BANP: variants seen among roughly 807,000 people sequenced by gnomAD.
BANP encodes the protein protein BANP.
A neutral mutation model predicts 68.1 loss-of-function variants in BANP; 11 were observed. The ratio of observed to expected loss-of-function variants is 0.16; its 90% CI spans 0.10 to 0.27. The LOEUF (loss-of-function observed/expected upper bound fraction) is 0.27. BANP is among the 10% of genes least tolerant of loss of function. The probability of loss-of-function intolerance (pLI) is 1.00; values close to 1 mark genes in which losing one functional copy is unlikely to be tolerated. For synonymous variants in BANP, 329 were observed against 303.2 expected, an observed-to-expected ratio of 1.09 and a Z score of -0.88; for missense variants, 504 against 722.7, an observed-to-expected ratio of 0.70 and a Z score of 3.47.
At chr16:88,070,163 C>G (rs552712864) in intron 12 of BANP, among the ~76,000 whole-genome samples, 2 of 152,180 alleles carry the variant, frequency 1.3e-5, no homozygotes, top group East Asian at 3.9e-4. Flanking sequence ...AAAATACCTG[C>G]TCATTGACCA....
In BANP at chr16:88,061,226, G is replaced by A. The variant is rs1165566709; in HGVS notation, c.1312-4041G>A. ...ACAAGGCACCTTTGTGTGAATGTGGGGTCTCCCGGGGCATCTTGCCATCGC... is the reference window on the plus strand; with the variant it reads ...ACAAGGCACCTTTGTGTGAATGTGGAGTCTCCCGGGGCATCTTGCCATCGC... On this transcript the variant is annotated intron_variant, in intron 11 of 13. Coordinates refer to ENST00000682872, the MANE Select transcript of BANP (RefSeq NM_001386991.1). 4.6e-5 allele frequency among the ~76,000 whole-genome samples: 7 copies of A among 151,962 alleles called. No individual in the cohort carries two copies. The East Asian group carries it at 1.2e-3, about 25-fold the overall frequency.
At chr16:88,006,053 T>TAG in intron 5 of BANP, 37 bp from the exon 6 acceptor site, 1 of 1,612,924 alleles carries the variant, frequency 6.2e-7, no homozygotes, top group South Asian at 1.1e-5. Flanking sequence ...TTGCGGCTCT[T>TAG]ACCACATCGG....
intron 4 of BANP, among the ~76,000 whole-genome samples, chr16:87,992,777 G>T (rs1329154831): frequency 6.9e-6 from 1 of 144,340 alleles, no homozygotes; most frequent in East Asian, 1.9e-4. Context: ...CTGGGAGACA[G>T]AGTGAGACTC....
chr16:88,069,289 C>G (rs1251758087), intron 12 of BANP, among the ~76,000 whole-genome samples: 1 of 152,252 alleles, frequency 6.6e-6, no homozygotes, highest in Non-Finnish European at 1.5e-5. Context: ...ACATTCAGCT[C>G]ATTGACCTGC....
At chr16:87,999,323 T>G (rs555427454) in intron 4 of BANP, among the ~76,000 whole-genome samples, 1 of 139,756 alleles carries the variant, frequency 7.2e-6, no homozygotes, top group Non-Finnish European at 1.5e-5. Context: ...TCCAGACACG[T>G]CTCCATGCAC....
At chr16:88,066,421 G>A (rs944940983) in intron 12 of BANP, among the ~76,000 whole-genome samples, 4 of 152,188 alleles carry the variant, frequency 2.6e-5, no homozygotes, top group African/African-American at 4.8e-5. Context: ...TGGGTACTGC[G>A]GGCCTGGCCA....
Position 88,003,282 on chromosome 16 carries a change from T to C in BANP, c.363-1013T>C, listed in dbSNP as rs562706727. Among the ~76,000 whole-genome samples the C allele has an allele frequency of 1.4e-4, 21 of 152,368 alleles. No homozygotes were observed. The highest frequency in any genetic ancestry group is 4.6e-4 in the African/African-American group (19 of 41,582). On this transcript the variant is annotated intron_variant, in intron 4 of 13. Coordinates refer to ENST00000682872, the MANE Select transcript of BANP (RefSeq NM_001386991.1). The surrounding 1 kb of genome is among the most constrained non-coding windows in gnomAD (Gnocchi z 6.1). ...GGAGAAAACCTGGTGGTCCTGTGAT[T>C]TACTTGAGCATGGCGTGGTGCTGTG... is the stretch of plus-strand genomic sequence containing the variant.
intron 3 of BANP, 98 bp downstream of exon 3, chr16:87,981,225 C>T: frequency 3.3e-6 from 3 of 912,826 alleles, no homozygotes; most frequent in African/African-American, 1.6e-5. Context: ...AAAATGTAGC[C>T]TCTCAGCTGT....
Position 87,957,939 on chromosome 16 carries a change from G to A in BANP, c.-69+6424G>A, listed in dbSNP as rs1426218854. ...TTGTGTCGGTGGGAGCTGGCGGTGG[G>A]TCCCTGAGCAGAGTGCTGCCGCTGC... On this transcript the variant is annotated intron_variant, in intron 1 of 13. Coordinates refer to ENST00000682872, the MANE Select transcript of BANP (RefSeq NM_001386991.1). The surrounding 1 kb of genome is among the most constrained non-coding windows in gnomAD (Gnocchi z 4.3). 1.3e-5 allele frequency among the ~76,000 whole-genome samples: 2 copies of A among 151,904 alleles called. No homozygotes were observed. Among genetic ancestry groups the A allele is most frequent in the Admixed American group, 6.6e-5 (1 of 15,264 alleles).
intron 4 of BANP, among the ~76,000 whole-genome samples, chr16:88,000,514 G>A (rs1598311474): frequency 4.5e-5 from 1 of 22,244 alleles, no homozygotes; most frequent in Non-Finnish European, 1.1e-4. Context: ...ACGCACGTGC[G>A]CGGCTGTACT....
At position 88,004,503 on chromosome 16, in the gene BANP, G is replaced by C; in HGVS notation, c.479+92G>C. 1 of 718,720 alleles carries C rather than the reference G, an allele frequency of 1.4e-6. No individual in the cohort carries two copies. Among genetic ancestry groups the C allele is most frequent in the Non-Finnish European group, 2.3e-6 (1 of 435,862 alleles). 44.5% of individuals were successfully genotyped at this position (718,720 alleles called of 1,614,324 possible). A position where few individuals can be genotyped will look rare whatever the true frequency, so the allele number is the denominator to read the frequency against. ...CGTCCCTAAGCCAGGGCACAGTCCA[G>C]CACACGCTTCATCTCTGTGGTCACA... On this transcript the variant is annotated intron_variant, in intron 5 of 13. Transcript: ENST00000682872. The surrounding 1 kb of genome is among the most constrained non-coding windows in gnomAD (Gnocchi z 7.0).
rs1325720064 is a variant in BANP at position 88,077,251 on chromosome 16, C to G, written c.*590C>G. The G allele has an allele frequency of 6.6e-6, 1 of 152,404 alleles. No homozygotes were observed. Among genetic ancestry groups the G allele is most frequent in the East Asian group, 1.9e-4 (1 of 5,206 alleles). The allele number at this position is 152,404 out of a possible 1,614,324, so 9.4% of individuals were successfully genotyped here. A position where few individuals can be genotyped will look rare whatever the true frequency, so the allele number is the denominator to read the frequency against. Reference sequence around the variant, plus strand: ...GATGGGGTATTGCTGACCTACTTTTCTAGGGGAAATGCTCTTAAACACTGT... The same window carrying G: ...GATGGGGTATTGCTGACCTACTTTTGTAGGGGAAATGCTCTTAAACACTGT... On this transcript the variant is annotated 3_prime_UTR_variant, in exon 14 of 14. Transcript: ENST00000682872.
rs1227895765 is a variant in BANP, at chr16:88,046,224, G to T, written c.1311+8213G>T. Among the ~76,000 whole-genome samples the T allele has an allele frequency of 2.6e-5, 4 of 152,244 alleles. No homozygotes were observed. In the East Asian group the frequency reaches 5.8e-4, roughly 22 times the overall value. On this transcript the variant is annotated intron_variant, in intron 11 of 13. Coordinates refer to ENST00000682872, the MANE Select transcript of BANP (RefSeq NM_001386991.1). ...GGCCTTTCACTTCTGCCTTTTGCAT[G>T]TGTGAATGTGTGTGTGTGTGTGATT...
At chr16:87,996,272 G>A (rs148120113) in intron 4 of BANP, among the ~76,000 whole-genome samples, 2 of 152,210 alleles carry the variant, frequency 1.3e-5, no homozygotes, top group East Asian at 1.9e-4. Context: ...CCCACCTGGC[G>A]TCTCAGCTGC....
At chr16:88,045,473 C>G (rs2081800736) in intron 11 of BANP, among the ~76,000 whole-genome samples, 2 of 152,230 alleles carry the variant, frequency 1.3e-5, no homozygotes, top group South Asian at 4.1e-4. Flanking sequence ...CCTTGGGGGC[C>G]AGAGCCCAGG....
chr16:88,061,511 T>G lies in BANP; in HGVS notation c.1312-3756T>G, dbSNP rs1377435998. On this transcript the variant is annotated intron_variant, in intron 11 of 13. Transcript: ENST00000682872. ...TTGTGAAAAGCATTAGAAATGGAATTTAAGGGCACGTGTTAGTATTCCCAT... is the reference window on the plus strand; with the variant it reads ...TTGTGAAAAGCATTAGAAATGGAATGTAAGGGCACGTGTTAGTATTCCCAT... 2.0e-5 allele frequency among the ~76,000 whole-genome samples: 3 copies of G among 152,162 alleles called. No individual in the cohort carries two copies. In the East Asian group the frequency reaches 5.8e-4, roughly 29 times the overall value.
intron 8 of BANP, among the ~76,000 whole-genome samples, chr16:88,029,708 T>G (rs977306322): frequency 6.6e-6 from 1 of 152,074 alleles, no homozygotes; most frequent in Non-Finnish European, 1.5e-5. Flanking sequence ...GGACAAAATT[T>G]GTGTCTGTGA....
Position 88,002,882 on chromosome 16 carries a change from C to T in BANP, c.363-1413C>T, listed in dbSNP as rs1009419807. Among the ~76,000 whole-genome samples the T allele has an allele frequency of 2.0e-5, 3 of 152,166 alleles. No homozygotes were observed. The highest frequency in any genetic ancestry group is 2.9e-5 in the Non-Finnish European group (2 of 68,026). On this transcript the variant is annotated intron_variant, in intron 4 of 13. Transcript: ENST00000682872. The surrounding 1 kb of genome is among the most constrained non-coding windows in gnomAD (Gnocchi z 4.6). ...GCAGCACCGTCCTTCTTCAGTTGCT[C>T]ATGGGGGGAGAGAATAAATGCATGT...
At chr16:87,966,084 A>G (rs1030963946) in intron 1 of BANP, among the ~76,000 whole-genome samples, 2 of 152,216 alleles carry the variant, frequency 1.3e-5, no homozygotes, top group African/African-American at 2.4e-5. Context: ...GCAGCTTTCC[A>G]TTTGTATGCC....
Sources: gnomAD v4.1 joint callset for allele counts (sites outside exome capture counted in the v4.1 genomes callset) on GRCh38, gnomAD v4.1.1 for gene constraint, Gnocchi (gnomAD v3.1) non-coding constraint, MANE v1.5 for transcripts, NCBI Gene and HGNC (gene_info 2026-07-23, HGNC 2026-07-21) for gene names.